The following MTFR1 variants were observed in gnomAD, a reference collection of about 807,000 sequenced individuals.
MTFR1 encodes chondrocyte protein with a poly-proline region.
A neutral mutation model predicts 38.8 loss-of-function variants in MTFR1; 28 were observed. The ratio of observed to expected loss-of-function variants is 0.72; its 90% confidence interval spans 0.53 to 0.99. The LOEUF is 0.99. Among genes scored for constraint, MTFR1 ranks in the 50% least tolerant of loss-of-function variants. The pLI is 0.00. For missense variants in MTFR1, 358 were observed against 395.5 expected (o/e 0.91, Z 0.81); for synonymous variants, 145 against 137.0 (o/e 1.06, Z -0.41).
chr8:65,741,953 T>C (rs1003641341), intron 3 of MTFR1, among the ~76,000 whole-genome samples: 5 of 152,212 alleles, frequency 3.3e-5, no homozygotes, highest in African/African-American at 1.2e-4. Flanking sequence ...CAAAGGAATC[T>C]GACAAGAATC....
At chr8:65,731,446 T>C (rs1035411679) in intron 3 of MTFR1, 5 of 152,318 alleles carry the variant, frequency 3.3e-5, no homozygotes, top group South Asian at 2.1e-4. Flanking sequence ...AGTTTAAGTA[T>C]AGTTATTAAG....
At chr8:65,694,781 A>G (rs1047448379) in intron 4 of MTFR1, among the ~76,000 whole-genome samples, 5 of 152,230 alleles carry the variant, frequency 3.3e-5, no homozygotes, top group Non-Finnish European at 7.3e-5. Flanking sequence ...CTCAGGAGGA[A>G]ATGCTAGAGC....
intron 3 of MTFR1, among the ~76,000 whole-genome samples, chr8:65,748,958 T>G (rs1348755013): frequency 1.3e-5 from 2 of 152,206 alleles, no homozygotes; most frequent in Non-Finnish European, 2.9e-5. Context: ...TAAAAGCATT[T>G]CATGGCTCTT....
chr8:65,668,238 C>T (rs975527520), intron 1 of MTFR1, among the ~76,000 whole-genome samples: 2 of 142,490 alleles, frequency 1.4e-5, no homozygotes, highest in South Asian at 2.2e-4. Flanking sequence ...AGTGTAGTGG[C>T]GTGATCTCAG....
intron 3 of MTFR1, among the ~76,000 whole-genome samples, chr8:65,769,327 C>T (rs1037638706): frequency 3.3e-5 from 5 of 150,418 alleles, no homozygotes; most frequent in African/African-American, 4.9e-5. Context: ...CTGCATGATA[C>T]GGCCATCTGA....
the MTFR1 span, among the ~76,000 whole-genome samples, chr8:65,776,545 T>A: frequency 6.6e-6 from 1 of 152,196 alleles, no homozygotes; most frequent in African/African-American, 2.4e-5. Context: ...AATAACAGTA[T>A]ATATATTTCT....
chr8:65,662,237 G>C (rs1234169656), intron 1 of MTFR1, among the ~76,000 whole-genome samples: 1 of 152,106 alleles, frequency 6.6e-6, no homozygotes, highest in Non-Finnish European at 1.5e-5. Flanking sequence ...GCCTGCGATT[G>C]CAGGCGCGCG....
chr8:65,645,168 C>G (rs892105791), intron 1 of MTFR1, among the ~76,000 whole-genome samples: 2 of 152,226 alleles, frequency 1.3e-5, no homozygotes, highest in Admixed American at 6.5e-5. Context: ...GGAGACCGCC[C>G]TTCGCGGCGG....
downstream of MTFR1, among the ~76,000 whole-genome samples, chr8:65,711,156 TG>T (rs1261509977): frequency 6.6e-6 from 1 of 152,310 alleles, no homozygotes; most frequent in East Asian, 1.9e-4. Flanking sequence ...ATTTCTCCAG[TG>T]GTCCCTGGCA....
At chr8:65,669,068 A>G (rs1804482775) in intron 1 of MTFR1, among the ~76,000 whole-genome samples, 1 of 152,134 alleles carries the variant, frequency 6.6e-6, no homozygotes, top group Non-Finnish European at 1.5e-5. Flanking sequence ...TCTGTTCTGT[A>G]TTTCTGGAAT....
intron 3 of MTFR1, among the ~76,000 whole-genome samples, chr8:65,732,962 A>C (rs1806961788): frequency 6.6e-6 from 1 of 152,058 alleles, no homozygotes; most frequent in African/African-American, 2.4e-5. Context: ...CATCCGCCTC[A>C]GCCTCCCAAA....
Position 65,682,346 on chromosome 8 carries a change from TCCTC to T in MTFR1, c.67-6_67-3del. On this transcript the variant is annotated splice_polypyrimidine_tract_variant and splice_region_variant and intron_variant, in intron 2 of 7. Coordinates refer to ENST00000262146, the MANE Select transcript of MTFR1 (RefSeq NM_014637.4). Reference sequence around the variant, plus strand: ...AATTAAGCTTTCGGTTTTTCCTACTTCCTCAGGTACTTTGGTCTAGGAAGCCATA... The same window carrying T: ...AATTAAGCTTTCGGTTTTTCCTACTTAGGTACTTTGGTCTAGGAAGCCATA... 6.6e-7 allele frequency: 1 copy of T among 1,509,020 alleles called. No homozygotes were observed. Among genetic ancestry groups the T allele is most frequent in the South Asian group, 1.3e-5 (1 of 76,908 alleles). The allele number at this position is 1,509,020 out of a possible 1,614,324, so 93.5% of individuals were successfully genotyped here. A position where few individuals can be genotyped will look rare whatever the true frequency, so the allele number is the denominator to read the frequency against.
At position 65,756,902 on chromosome 8, in the gene MTFR1, T is replaced by A. The variant is rs1378407668; in HGVS notation, c.*49-14045T>A. ...TTTACTCCTCCAGGATTGTTTATTT[T>A]TAAAATTTTGCTGGCTTATGATAAA... On this transcript the variant is annotated intron_variant, in intron 3 of 3. Transcript: ENST00000521247. 4.6e-5 allele frequency among the ~76,000 whole-genome samples: 7 copies of A among 152,268 alleles called. No homozygotes were observed. The East Asian group carries it at 1.3e-3, about 29-fold the overall frequency.
chr8:65,705,801 ATTC>A (rs1295146946), intron 5 of MTFR1, among the ~76,000 whole-genome samples: 35 of 152,364 alleles, frequency 2.3e-4, no homozygotes, highest in African/African-American at 7.7e-4. Flanking sequence ...TTTAATAGTT[ATTC>A]TTCTTCCTTT....
intron 1 of MTFR1, among the ~76,000 whole-genome samples, chr8:65,665,846 ATTC>A (rs2129050210): frequency 6.6e-6 from 1 of 152,322 alleles, no homozygotes; most frequent in African/African-American, 2.4e-5. Flanking sequence ...GAATCCATCT[ATTC>A]TTTTCCATTC....
At chr8:65,776,892 T>G in the MTFR1 span, among the ~76,000 whole-genome samples, 1 of 152,168 alleles carries the variant, frequency 6.6e-6, no homozygotes, top group Non-Finnish European at 1.5e-5. Context: ...GAAACAATAC[T>G]GAATAGGAAA....
rs1366369354 is a variant in MTFR1 at position 65,716,916 on chromosome 8, T to C, written c.382-2464T>C. ...ACCTCTATACCCACACTGTCCAATA[T>C]GGTAGCCACTAGCCACATGTGGATA... On this transcript the variant is annotated intron_variant, in intron 2 of 3. Coordinates refer to the MTFR1 transcript ENST00000521247. Among the ~76,000 whole-genome samples, 3 of 152,280 alleles carry C rather than the reference T, an allele frequency of 2.0e-5. No homozygotes were observed. In the East Asian group the frequency reaches 5.8e-4, roughly 29 times the overall value.
chr8:65,679,612 G>C (rs1804817304), intron 2 of MTFR1: 1 of 152,186 alleles, frequency 6.6e-6, no homozygotes, highest in Non-Finnish European at 1.5e-5. Context: ...GCGAAAGAGT[G>C]AAACTCCATC....
chr8:65,766,193 G>A (rs1192268944), intron 3 of MTFR1, among the ~76,000 whole-genome samples: 2 of 152,156 alleles, frequency 1.3e-5, no homozygotes, highest in Admixed American at 6.5e-5. Flanking sequence ...TGATCCACCC[G>A]CCTTGGCCTC....
Sources: allele counts gnomAD v4.1 joint callset (sites outside exome capture counted in the v4.1 genomes callset), GRCh38; gene constraint gnomAD v4.1.1; transcripts MANE v1.5; gene names NCBI Gene and HGNC (gene_info 2026-07-23, HGNC 2026-07-21).